The following DAB1 variants were observed in gnomAD, a reference collection of about 807,000 sequenced individuals.
DAB1 encodes DAB adaptor protein 1, also known as disabled homolog 1.
Under a neutral mutation model 64.6 loss-of-function variants are expected in DAB1, and 15 were observed. That is an observed-to-expected ratio of 0.23 (90% CI 0.16 to 0.36). The LOEUF is 0.36. Ranked by LOEUF, DAB1 falls within the 10% of genes least tolerant of loss-of-function variation. The probability of loss-of-function intolerance (pLI) is 1.00; values close to 1 mark genes in which losing one functional copy is unlikely to be tolerated. For synonymous variants in DAB1, 235 were observed against 251.9 expected (o/e 0.93, Z 0.64); for missense variants, 596 against 706.7 (o/e 0.84, Z 1.78).
Position 58,506,505 on chromosome 1 carries a change from A to T in DAB1, n.108-296T>A, listed in dbSNP as rs148092929. The stretch of plus-strand genomic sequence containing the variant: ...GAACATGCCCATTGCTTAGAAAAAG[A>T]CCCACCTCAAACAACATGGTATCAC... On this transcript the variant is annotated intron_variant and non_coding_transcript_variant, in intron 2 of 20. Transcript: ENST00000485760. Among the ~76,000 whole-genome samples, 579 of 152,266 alleles carry T rather than the reference A, an allele frequency of 3.8e-3. 2 individuals carry two copies. Among genetic ancestry groups the T allele is most frequent in the African/African-American group, 0.014 (562 of 41,562 alleles).
intron 5 of DAB1, among the ~76,000 whole-genome samples, chr1:58,135,014 G>A (rs1384184673): frequency 6.6e-6 from 1 of 152,134 alleles, no homozygotes; most frequent in Non-Finnish European, 1.5e-5. Flanking sequence ...AGTGGGTGTG[G>A]GTCATGCTGT....
chr1:57,318,618 T>C (rs1480820179), intron 1 of DAB1, among the ~76,000 whole-genome samples: 2 of 151,834 alleles, frequency 1.3e-5, no homozygotes, highest in Non-Finnish European at 2.9e-5. Context: ...ATATCTTCAC[T>C]GATCTCATTG....
At chr1:57,118,771 T>G (rs1392941801) in intron 4 of DAB1, among the ~76,000 whole-genome samples, 2 of 152,218 alleles carry the variant, frequency 1.3e-5, no homozygotes, top group African/African-American at 4.8e-5. Context: ...CTAGGCACTT[T>G]ACATATATTA....
intron 5 of DAB1, among the ~76,000 whole-genome samples, chr1:58,036,052 G>GA (rs1647040649): frequency 1.3e-5 from 2 of 151,940 alleles, no homozygotes; most frequent in African/African-American, 4.8e-5. Flanking sequence ...AGGAATGAGG[G>GA]AAAAAAAAGT....
intron 6 of DAB1, among the ~76,000 whole-genome samples, chr1:57,811,585 T>C (rs12040462): frequency 0.22 from 34,021 of 152,144 alleles, 4,315 homozygotes; most frequent in African/African-American, 0.35. Flanking sequence ...TCTTAGGTTT[T>C]TCTTTATAGC....
intron 1 of DAB1, among the ~76,000 whole-genome samples, chr1:57,293,585 G>A (rs1476974843): frequency 2.6e-5 from 4 of 152,134 alleles, no homozygotes; most frequent in Non-Finnish European, 5.9e-5. Context: ...CCACCTGGCC[G>A]GTATGTGACC....
chr1:57,115,952 T>C (rs1050742326), intron 4 of DAB1, among the ~76,000 whole-genome samples: 3 of 152,142 alleles, frequency 2.0e-5, no homozygotes, highest in African/African-American at 7.2e-5. Context: ...GTTCAGCAAG[T>C]AGGAGACATA....
intron 1 of DAB1, chr1:57,860,638 C>G (rs1285467279): frequency 6.6e-6 from 1 of 152,192 alleles, no homozygotes; most frequent in Admixed American, 6.5e-5. Context: ...TGCAGAAGAA[C>G]AGGCCTAGTT....
intron 5 of DAB1, among the ~76,000 whole-genome samples, chr1:58,100,073 T>A (rs1352023372): frequency 2.0e-5 from 3 of 152,212 alleles, no homozygotes; most frequent in African/African-American, 7.2e-5. Flanking sequence ...CATTTTTTTT[T>A]ATCGTGGTAA....
rs760216866 is a variant in DAB1, at chr1:57,018,391, C to T, written c.896-2960G>A. ...ACTCTTATGTCTTCTAGTGTGCTCA[C>T]GCCTGAGTATTTCCTTATTTAAATA... On this transcript the variant is annotated intron_variant, in intron 11 of 14. Transcript: ENST00000371236. Among the ~76,000 whole-genome samples, 8 of 152,164 alleles carry T rather than the reference C, an allele frequency of 5.3e-5. No individual in the cohort carries two copies. In the East Asian group the frequency reaches 5.8e-4, roughly 11 times the overall value.
At chr1:57,392,007 A>G (rs1233439981) in intron 1 of DAB1, among the ~76,000 whole-genome samples, 1 of 152,182 alleles carries the variant, frequency 6.6e-6, no homozygotes, top group Non-Finnish European at 1.5e-5. Flanking sequence ...AAACCAGATC[A>G]GACTCATTCA....
At chr1:57,079,151 G>A (rs1050630179) in intron 4 of DAB1, among the ~76,000 whole-genome samples, 2 of 152,026 alleles carry the variant, frequency 1.3e-5, no homozygotes, top group Non-Finnish European at 2.9e-5. Flanking sequence ...TACATAACAA[G>A]AGTTCTCTCT....
intron 5 of DAB1, chr1:58,055,991 G>T: frequency 3.0e-6 from 2 of 668,810 alleles, no homozygotes; most frequent in Non-Finnish European, 2.6e-6. Context: ...GCCTGCCTCG[G>T]CCTCACACAG....
chr1:57,882,534 G>A (rs367869908), intron 1 of DAB1, among the ~76,000 whole-genome samples: 1 of 152,132 alleles, frequency 6.6e-6, no homozygotes, highest in South Asian at 2.1e-4. Context: ...TCAGCATCTA[G>A]CCTAGCTTTT....
intron 6 of DAB1, among the ~76,000 whole-genome samples, chr1:57,680,423 G>C (rs1432496506): frequency 6.6e-6 from 1 of 152,200 alleles, no homozygotes; most frequent in Non-Finnish European, 1.5e-5. Context: ...GTCAGGAGAG[G>C]TGCATTCCTT....
chr1:57,006,557 G>T (rs1646075562), intron 14 of DAB1, among the ~76,000 whole-genome samples: 1 of 152,108 alleles, frequency 6.6e-6, no homozygotes, highest in South Asian at 2.1e-4. Context: ...CTAGACCCTG[G>T]TCATCTTCTG....
intron 4 of DAB1, among the ~76,000 whole-genome samples, chr1:58,311,277 C>A (rs927728836): frequency 6.6e-6 from 1 of 152,092 alleles, no homozygotes; most frequent in African/African-American, 2.4e-5. Context: ...AAAGAAAGTC[C>A]CATTCTATCA....
chr1:58,164,441 G>A (rs1392920445), intron 4 of DAB1, among the ~76,000 whole-genome samples: 1 of 152,120 alleles, frequency 6.6e-6, no homozygotes, highest in Non-Finnish European at 1.5e-5. Context: ...ACATCTCTCT[G>A]ATCTGAAGTA....
At chr1:57,062,311 C>T (rs750224620) in intron 9 of DAB1, among the ~76,000 whole-genome samples, 1 of 152,142 alleles carries the variant, frequency 6.6e-6, no homozygotes, top group Non-Finnish European at 1.5e-5. Flanking sequence ...TTTGTATACC[C>T]CAAAGGCCCT....
Sources: gnomAD v4.1 joint callset for allele counts (sites outside exome capture counted in the v4.1 genomes callset) on GRCh38, gnomAD v4.1.1 for gene constraint, MANE v1.5 for transcripts, NCBI Gene and HGNC (gene_info 2026-07-23, HGNC 2026-07-21) for gene names.